HOXD10: variants seen among roughly 807,000 people sequenced by gnomAD.
HOXD10 encodes homeobox protein Hox-D10.
A neutral mutation model predicts 27.0 loss-of-function variants in HOXD10; 15 were observed. The observed-to-expected ratio is 0.56, with a 90% CI of 0.37 to 0.85. The LOEUF (loss-of-function observed/expected upper bound fraction) is 0.85, where lower values mean the gene tolerates loss of function less well. HOXD10 is among the 40% of genes least tolerant of loss of function. The pLI, the probability that HOXD10 is intolerant of heterozygous loss-of-function variation, is 0.00. For missense variants in HOXD10, 440 were observed against 430.4 expected (o/e 1.02, Z -0.20); for synonymous variants, 178 against 160.9 (o/e 1.11, Z -0.80).
intron 1 of HOXD10, 41 bp from the exon 2 acceptor site, chr2:176,118,913 A>G (rs770301765): frequency 6.4e-7 from 1 of 1,555,006 alleles, no homozygotes; most frequent in Non-Finnish European, 8.8e-7. Flanking sequence ...CAAACAAAAA[A>G]CCTCTTGATT....
At chr2:176,118,194 C>T (rs948454795) in intron 1 of HOXD10, among the ~76,000 whole-genome samples, 1 of 152,208 alleles carries the variant, frequency 6.6e-6, no homozygotes, top group African/African-American at 2.4e-5. Context: ...GCATTGCCCT[C>T]CCTGCAAGGC....
intron 1 of HOXD10, among the ~76,000 whole-genome samples, chr2:176,117,901 T>A (rs1289210317): frequency 6.6e-6 from 1 of 152,238 alleles, no homozygotes; most frequent in Non-Finnish European, 1.5e-5. Flanking sequence ...CAGAGCCTCT[T>A]TTCTCCTGCT....
At position 176,119,464 on chromosome 2, in the gene HOXD10, T is replaced by TATATATATATATATATATATATATAA. The variant is rs886055159; in HGVS notation, c.*234_*235insTATATATATATATATATATATATAAA. The stretch of plus-strand genomic sequence containing the variant: ...ATATATATATATATATATATATATA[T>TATATATATATATATATATATATATAA]AAAAACTTAGCACGTGTAATTTATT... On this transcript the variant is annotated 3_prime_UTR_variant, in exon 2 of 2. Coordinates refer to ENST00000249501, the MANE Select transcript of HOXD10 (RefSeq NM_002148.4). 2.7e-5 allele frequency: 4 copies of TATATATATATATATATATATATATAA among 145,748 alleles called. No homozygotes were observed. Among genetic ancestry groups the TATATATATATATATATATATATATAA allele is most frequent in the Non-Finnish European group, 5.7e-5 (4 of 70,352 alleles). The allele number at this position is 145,748 out of a possible 1,614,324, so 9.0% of individuals were successfully genotyped here.
At chr2:176,117,914 G>T (rs1375910206) in intron 1 of HOXD10, among the ~76,000 whole-genome samples, 2 of 152,226 alleles carry the variant, frequency 1.3e-5, no homozygotes, top group Admixed American at 1.3e-4. Context: ...CTCCTGCTCA[G>T]ATTTGCAGTT....
At position 176,119,258 on chromosome 2, in the gene HOXD10, G is replaced by T; in HGVS notation, c.*27G>T. 6.2e-7 allele frequency: 1 copy of T among 1,610,700 alleles called. No homozygotes were observed. Among genetic ancestry groups the T allele is most frequent in the Non-Finnish European group, 8.5e-7 (1 of 1,179,376 alleles). On this transcript the variant is annotated 3_prime_UTR_variant, in exon 2 of 2. Coordinates refer to ENST00000249501, the MANE Select transcript of HOXD10 (RefSeq NM_002148.4). ...TCTGAGGCCGGTCTGAGGCCGGTCA[G>T]AGGCCAGGATTGGAGAGGGGGCACC...
chr2:176,118,467 A>G (rs1181136308), intron 1 of HOXD10, among the ~76,000 whole-genome samples: 1 of 152,220 alleles, frequency 6.6e-6, no homozygotes. Context: ...GACTGTCAGG[A>G]TTCCTGACTG....
intron 1 of HOXD10, among the ~76,000 whole-genome samples, chr2:176,118,052 G>T (rs968082751): frequency 6.6e-6 from 1 of 152,216 alleles, no homozygotes; most frequent in Non-Finnish European, 1.5e-5. Context: ...TGGGCTGGTT[G>T]GTGCTTGAGT....
Position 176,116,784 on chromosome 2 carries a change from A to C in HOXD10, c.-50A>C. On this transcript the variant is annotated 5_prime_UTR_variant, in exon 1 of 2. It removes an upstream start codon present in the reference 5' UTR. Coordinates refer to ENST00000249501, the MANE Select transcript of HOXD10 (RefSeq NM_002148.4). ...TTACACGGGGAATGTTTTCCTAGAG[A>C]TGTCAGCCTACAAAGGACACAATCT... is the stretch of plus-strand genomic sequence containing the variant. 6.3e-7 allele frequency: 1 copy of C among 1,575,944 alleles called. No homozygotes were observed. The highest frequency in any genetic ancestry group is 8.7e-7 in the Non-Finnish European group (1 of 1,145,738).
At position 176,116,983 on chromosome 2, in the gene HOXD10, C is replaced by A; in HGVS notation, c.150C>A (p.Thr50=). The change falls in exon 1 of 2, where the codon ACC becomes ACA. Residue 50 remains threonine (T), a synonymous_variant. Transcript: ENST00000249501. The part of the protein sequence containing the change: ...SADMGTYGMQ[T]CGLLPSLAKR... Reference sequence around the variant, plus strand: ...ACATGGGGACCTATGGAATGCAAACCTGTGGACTGCTCCCGTCTCTGGCCA... The same window carrying A: ...ACATGGGGACCTATGGAATGCAAACATGTGGACTGCTCCCGTCTCTGGCCA... 1 of 1,614,158 alleles carries A rather than the reference C, an allele frequency of 6.2e-7. No individual in the cohort carries two copies. The highest frequency in any genetic ancestry group is 8.5e-7 in the Non-Finnish European group (1 of 1,180,030).
chr2:176,117,322 C>T lies in HOXD10; in HGVS notation c.489C>T (p.Thr163=). The T allele has an allele frequency of 6.2e-7, 1 of 1,613,792 alleles. No individual in the cohort carries two copies. Among genetic ancestry groups the T allele is most frequent in the Non-Finnish European group, 8.5e-7 (1 of 1,179,818 alleles). Residue 163 remains threonine (T), a synonymous_variant, in exon 1 of 2, where the codon ACC becomes ACT. Transcript: ENST00000249501. ...RLSQTYATGK[T]QEYNNSPEGS... Reference sequence around the variant, plus strand: ...GTCAGACCTACGCCACCGGGAAAACCCAAGAGTACAATAATAGCCCCGAAG... The same window carrying T: ...GTCAGACCTACGCCACCGGGAAAACTCAAGAGTACAATAATAGCCCCGAAG...
In HOXD10 at chr2:176,119,206, T is replaced by C. The variant is rs144160937; in HGVS notation, c.998T>C (p.Leu333Pro). 589 of 1,613,644 alleles carry C rather than the reference T, an allele frequency of 3.7e-4. No individual in the cohort carries two copies. In the African/African-American group the frequency reaches 6.7e-3, roughly 18 times the overall value. Residue 333 changes from leucine (L) to proline (P), a missense_variant, in exon 2 of 2, where the codon CTG becomes CCG. Coordinates refer to ENST00000249501, the MANE Select transcript of HOXD10 (RefSeq NM_002148.4). ...KMSRENRIRE[L>P]TANLTFS Reference sequence around the variant, plus strand: ...AGCCGAGAGAACCGGATCCGAGAACTGACCGCCAACCTCACGTTTTCTTAG... The same window carrying C: ...AGCCGAGAGAACCGGATCCGAGAACCGACCGCCAACCTCACGTTTTCTTAG...
chr2:176,118,123 T>G (rs1288179678), intron 1 of HOXD10, among the ~76,000 whole-genome samples: 2 of 152,170 alleles, frequency 1.3e-5, no homozygotes, highest in East Asian at 1.9e-4. Context: ...TTAGGAAAAG[T>G]GCTGCAGTCT....
intron 1 of HOXD10, among the ~76,000 whole-genome samples, chr2:176,117,781 C>A (rs182156452): frequency 2.6e-5 from 4 of 152,330 alleles, no homozygotes; most frequent in Admixed American, 2.0e-4. Flanking sequence ...CCTGGCCCCA[C>A]GCTGATGGCG....
intron 1 of HOXD10, 88 bp downstream of exon 1, chr2:176,117,666 C>T: frequency 6.8e-7 from 1 of 1,472,200 alleles, no homozygotes; most frequent in Non-Finnish European, 9.4e-7. Context: ...AGCGCCGAGC[C>T]GGAGCCCGAC....
rs1559117676 is a variant in HOXD10 at position 176,117,358 on chromosome 2, T to A, written c.525T>A (p.Thr175=). ...EYNNSPEGSS[T]VMLQLNPRGA... is the part of the protein sequence containing the mutation. ...ATAATAGCCCCGAAGGCAGCTCCAC[T>A]GTCATGCTCCAGCTCAACCCTCGTG... is the stretch of plus-strand genomic sequence containing the variant. Residue 175 remains threonine, a synonymous_variant, in exon 1 of 2, where the codon ACT becomes ACA. Transcript: ENST00000249501. 1 of 1,613,328 alleles carries A rather than the reference T, an allele frequency of 6.2e-7. No homozygotes were observed. Among genetic ancestry groups the A allele is most frequent in the Admixed American group, 1.7e-5 (1 of 60,008 alleles).
Position 176,119,453 on chromosome 2 carries a change from ATATATATATAT to A in HOXD10, c.*223_*233del, listed in dbSNP as rs1442187864. The A allele has an allele frequency of 6.9e-6, 1 of 145,788 alleles. No homozygotes were observed. The highest frequency in any genetic ancestry group is 1.4e-5 in the Non-Finnish European group (1 of 70,508). 9.0% of individuals were successfully genotyped at this position (145,788 alleles called of 1,614,324 possible). On this transcript the variant is annotated 3_prime_UTR_variant, in exon 2 of 2. Transcript: ENST00000249501. ...CCTATGAGTATATATATATATATAT[ATATATATATAT>A]AAAAACTTAGCACGTGTAATTTATT...
Position 176,119,095 on chromosome 2 carries a change from G to C in HOXD10, c.887G>C (p.Arg296Pro). The C allele has an allele frequency of 6.2e-7, 1 of 1,614,018 alleles. No homozygotes were observed. Among genetic ancestry groups the C allele is most frequent in the Non-Finnish European group, 8.5e-7 (1 of 1,180,006 alleles). ...AATATGTACCTCACCCGCGAGCGCC[G>C]CCTAGAGATCAGTAAGAGCGTTAAC... Reference protein sequence around the residue: ...LFNMYLTRERRLEISKSVNLT... With the variant: ...LFNMYLTRERPLEISKSVNLT... Residue 296 changes from arginine (R) to proline (P), a missense_variant, in exon 2 of 2, where the codon CGC becomes CCC. By Grantham distance (103) the Arg-to-Pro change is moderately radical. Coordinates refer to ENST00000249501, the MANE Select transcript of HOXD10 (RefSeq NM_002148.4).
chr2:176,117,650 G>A (rs1689784658), intron 1 of HOXD10, 72 bp downstream of exon 1: 1 of 1,560,822 alleles, frequency 6.4e-7, no homozygotes, highest in Non-Finnish European at 8.8e-7. Context: ...GAGTGCCGGG[G>A]TGCCCAGCGC....
chr2:176,117,646 C>T, intron 1 of HOXD10, 68 bp downstream of exon 1: 4 of 1,575,502 alleles, frequency 2.5e-6, no homozygotes, highest in Non-Finnish European at 3.5e-6. Context: ...GAGGGAGTGC[C>T]GGGGTGCCCA....
Sources: gnomAD v4.1 joint callset for allele counts (sites outside exome capture counted in the v4.1 genomes callset) on GRCh38, gnomAD v4.1.1 for gene constraint, MANE v1.5 for transcripts, NCBI Gene and HGNC (gene_info 2026-07-23, HGNC 2026-07-21) for gene names.